VPS8: variants seen among roughly 807,000 people sequenced by gnomAD.
VPS8 encodes the protein VPS8 subunit of CORVET complex.
A neutral mutation model predicts 216.4 loss-of-function variants in VPS8; 129 were observed. That is an observed-to-expected ratio of 0.60 (90% CI 0.52 to 0.69). The LOEUF (loss-of-function observed/expected upper bound fraction) is 0.69. Among genes scored for constraint, VPS8 ranks in the 30% least tolerant of loss-of-function variants. The probability of loss-of-function intolerance (pLI) is 0.00; values close to 1 mark genes in which losing one functional copy is unlikely to be tolerated. For missense variants in VPS8, 1,531 were observed against 1,683.5 expected (o/e 0.91, Z 1.59); for synonymous variants, 571 against 565.4 (o/e 1.01, Z -0.14).
intron 22 of VPS8, among the ~76,000 whole-genome samples, chr3:184,887,716 C>T (rs1035759300): frequency 3.9e-5 from 6 of 152,150 alleles, no homozygotes; most frequent in African/African-American, 1.2e-4. Context: ...AATGTAGATG[C>T]TCCCAAAACC....
intron 6 of VPS8, 173 bp downstream of exon 6, chr3:184,838,919 C>A: frequency 1.9e-6 from 1 of 531,900 alleles, no homozygotes; most frequent in Non-Finnish European, 3.2e-6. Context: ...TTTCTTTTTT[C>A]CTAATTTTTT....
rs1334202248 is a variant in VPS8, at chr3:185,048,468, T to G, written c.4057-11T>G. On this transcript the variant is annotated splice_polypyrimidine_tract_variant and intron_variant, in intron 46 of 47. Coordinates refer to ENST00000625842, the MANE Select transcript of VPS8 (RefSeq NM_001009921.3). The stretch of plus-strand genomic sequence containing the variant: ...GTGATGTTGTTAATCGTATCGGTTT[T>G]TATTTTTCAGGGAACCTCAGAACCT... 1 of 1,613,838 alleles carries G rather than the reference T, an allele frequency of 6.2e-7. No homozygotes were observed. The highest frequency in any genetic ancestry group is 1.3e-5 in the African/African-American group (1 of 74,922).
At chr3:184,931,543 A>G (rs1386437145) in intron 34 of VPS8, among the ~76,000 whole-genome samples, 3 of 152,182 alleles carry the variant, frequency 2.0e-5, no homozygotes, top group African/African-American at 7.2e-5. Context: ...TTAGTTCCCG[A>G]AGGTTGTAAA....
intron 21 of VPS8, among the ~76,000 whole-genome samples, chr3:184,885,398 CTTTCCATTGAAAAGGGTCA>C (rs1731018584): frequency 6.6e-6 from 1 of 152,178 alleles, no homozygotes; most frequent in African/African-American, 2.4e-5. Flanking sequence ...CCCTCAGACT[CTTTCCATTGAAAAGGGTCA>C]AAATTATGGA....
chr3:185,038,758 C>A (rs2108494998), intron 46 of VPS8, among the ~76,000 whole-genome samples: 1 of 152,314 alleles, frequency 6.6e-6, no homozygotes, highest in South Asian at 2.1e-4. Context: ...AATGTCATCC[C>A]CCAGTCTAGT....
chr3:184,862,900 A>G lies in VPS8; in HGVS notation c.1228A>G (p.Ile410Val), dbSNP rs371946822. The change falls in exon 16 of 48, where the codon ATA becomes GTA. Residue 410 changes from isoleucine to valine, a missense_variant. By Grantham distance (29) the Ile-to-Val change is conservative (BLOSUM62 3). This residue lies in a region of VPS8 where 1,318 missense variants were observed against 1,468.4 expected (regional missense o/e 0.90). Coordinates refer to ENST00000625842, the MANE Select transcript of VPS8 (RefSeq NM_001009921.3). ...TTGTTGTGTGCTTGAATTACAGTGG[A>G]TAAATTCACGCACAGTTGTGCTCTT... ...LYYDLINFTW[I>V]NSRTVVLLDS... 8.1e-6 allele frequency: 13 copies of G among 1,611,034 alleles called. No homozygotes were observed. Among genetic ancestry groups the G allele is most frequent in the East Asian group, 2.2e-5 (1 of 44,766 alleles).
intron 46 of VPS8, among the ~76,000 whole-genome samples, chr3:185,043,551 G>A (rs777186342): frequency 2.2e-4 from 33 of 152,170 alleles, no homozygotes; most frequent in Non-Finnish European, 4.6e-4. Context: ...AGGCATTCGT[G>A]AACGCCTAGT....
chr3:184,835,814 A>G (rs62286934), intron 5 of VPS8, among the ~76,000 whole-genome samples: 15,555 of 148,712 alleles, frequency 0.1, 1,281 homozygotes, highest in African/African-American at 0.23. Flanking sequence ...GATTCATGTC[A>G]TTCTCCTGCC....
intron 5 of VPS8, chr3:184,836,166 C>T (rs1485714451): frequency 4.6e-6 from 2 of 431,774 alleles, no homozygotes; most frequent in Non-Finnish European, 9.2e-6. Flanking sequence ...CCTGACCTAG[C>T]TCATATATCA....
intron 1 of VPS8, among the ~76,000 whole-genome samples, chr3:184,814,803 T>G (rs945623723): frequency 1.3e-5 from 2 of 152,172 alleles, no homozygotes; most frequent in Non-Finnish European, 2.9e-5. Flanking sequence ...TATTAAAAAT[T>G]TTTTCTTTCT....
intron 44 of VPS8, among the ~76,000 whole-genome samples, chr3:184,998,413 T>C (rs540821773): frequency 6.8e-6 from 1 of 146,944 alleles, no homozygotes; most frequent in South Asian, 2.2e-4. Context: ...TTTAAAGCTA[T>C]GGAACCTGGA....
intron 1 of VPS8, among the ~76,000 whole-genome samples, chr3:184,814,918 TACAA>T (rs778264551): frequency 7.9e-5 from 12 of 152,254 alleles, no homozygotes; most frequent in Non-Finnish European, 1.6e-4. Flanking sequence ...TAGCTTAAAA[TACAA>T]ACACATTGTA....
At chr3:184,958,185 G>A (rs969058374) in intron 37 of VPS8, among the ~76,000 whole-genome samples, 4 of 152,132 alleles carry the variant, frequency 2.6e-5, no homozygotes, top group Admixed American at 1.3e-4. Context: ...TTGGCAGAGG[G>A]GAGAAAATCA....
intron 21 of VPS8, among the ~76,000 whole-genome samples, chr3:184,871,358 T>C (rs868560665): frequency 3.3e-5 from 5 of 152,270 alleles, no homozygotes; most frequent in South Asian, 4.2e-4. Flanking sequence ...TCTCCAGTTA[T>C]ATTTGTTGCA....
intron 34 of VPS8, among the ~76,000 whole-genome samples, chr3:184,935,449 C>A (rs1741435594): frequency 6.6e-6 from 1 of 152,064 alleles, no homozygotes; most frequent in Non-Finnish European, 1.5e-5. Context: ...TTAAGAGATA[C>A]ATTGTGAATG....
At chr3:184,953,563 C>A (rs1745077921) in intron 36 of VPS8, among the ~76,000 whole-genome samples, 1 of 152,070 alleles carries the variant, frequency 6.6e-6, no homozygotes. Flanking sequence ...CCTCAGGGGC[C>A]CCCTTATCTG....
At chr3:184,886,346 G>A (rs1210614659) in intron 22 of VPS8, among the ~76,000 whole-genome samples, 190 bp downstream of exon 22, 1 of 151,908 alleles carries the variant, frequency 6.6e-6, no homozygotes, top group Non-Finnish European at 1.5e-5. Context: ...AGATGCTATG[G>A]ATATATCATT....
chr3:184,818,685 T>C (rs1038585114), intron 1 of VPS8, among the ~76,000 whole-genome samples: 2 of 152,132 alleles, frequency 1.3e-5, no homozygotes, highest in Admixed American at 6.5e-5. Context: ...AAAATTTGCA[T>C]GTAATGTTGT....
At chr3:184,858,546 A>G (rs1560415024) in intron 14 of VPS8, among the ~76,000 whole-genome samples, 1 of 152,198 alleles carries the variant, frequency 6.6e-6, no homozygotes, top group African/African-American at 2.4e-5. Context: ...CGAAAGTCAC[A>G]AGGAGCCAAA....
Sources: gnomAD v4.1 joint callset for allele counts (sites outside exome capture counted in the v4.1 genomes callset) on GRCh38, gnomAD v4.1.1 for gene constraint, gnomAD v4.1.1 regional missense constraint, MANE v1.5 for transcripts, NCBI Gene and HGNC (gene_info 2026-07-23, HGNC 2026-07-21) for gene names.